VPS13B: variants seen among roughly 807,000 people sequenced by gnomAD.
VPS13B encodes intermembrane lipid transfer protein VPS13B.
In VPS13B, 285 loss-of-function variants were observed where a neutral mutation model predicts 426.4. That is an observed-to-expected ratio of 0.67 (90% confidence interval 0.61 to 0.74). The LOEUF is 0.74. Ranked by LOEUF, VPS13B falls within the 30% of genes least tolerant of loss-of-function variation. The pLI is 0.00. For synonymous variants in VPS13B, 1,676 were observed against 1,676.4 expected (o/e 1.00, Z 0.01); for missense variants, 4,537 against 4,782.6 (o/e 0.95, Z 1.51).
intron 17 of VPS13B, among the ~76,000 whole-genome samples, chr8:99,222,297 T>C (rs980822002): frequency 2.0e-5 from 3 of 152,216 alleles, no homozygotes; most frequent in Admixed American, 1.3e-4. Context: ...TCCTTCCCAG[T>C]TCACCCCCAA....
chr8:99,230,572 A>G (rs893637792), intron 17 of VPS13B, among the ~76,000 whole-genome samples: 1 of 152,268 alleles, frequency 6.6e-6, no homozygotes, highest in African/African-American at 2.4e-5. Context: ...TCTCAGTACC[A>G]AAGTTTGAAC....
chr8:99,350,882 G>A (rs1811844349), intron 19 of VPS13B, among the ~76,000 whole-genome samples: 1 of 151,624 alleles, frequency 6.6e-6, no homozygotes, highest in African/African-American at 2.4e-5. Flanking sequence ...TATGTAGTAT[G>A]AATCAGGAGA....
At chr8:99,312,634 A>G (rs1366733689) in intron 19 of VPS13B, among the ~76,000 whole-genome samples, 1 of 152,060 alleles carries the variant, frequency 6.6e-6, no homozygotes, top group African/African-American at 2.4e-5. Flanking sequence ...GGTGAATCTG[A>G]CAATTATGTG....
At chr8:99,291,409 C>T (rs1819726452) in intron 19 of VPS13B, among the ~76,000 whole-genome samples, 1 of 152,124 alleles carries the variant, frequency 6.6e-6, no homozygotes, top group Non-Finnish European at 1.5e-5. Flanking sequence ...GAATAAAGAA[C>T]TCATATTCTT....
intron 40 of VPS13B, 120 bp from the exon 41 acceptor site, chr8:99,776,655 A>G: frequency 1.1e-6 from 1 of 947,248 alleles, no homozygotes; most frequent in Non-Finnish European, 1.6e-6. Context: ...AAGATTTGAT[A>G]AAATATTGAC....
chr8:99,558,691 A>G (rs1008479276), intron 31 of VPS13B, among the ~76,000 whole-genome samples: 1 of 152,144 alleles, frequency 6.6e-6, no homozygotes, highest in Non-Finnish European at 1.5e-5. Flanking sequence ...TAGTTTGCTC[A>G]CAATGATGGT....
intron 25 of VPS13B, among the ~76,000 whole-genome samples, chr8:99,495,906 G>A (rs1252571090): frequency 1.3e-5 from 2 of 152,180 alleles, no homozygotes; most frequent in East Asian, 1.9e-4. Context: ...CTGGTGAGTA[G>A]TGCATGGCTA....
At chr8:99,429,405 C>G (rs746429118) in intron 21 of VPS13B, among the ~76,000 whole-genome samples, 2 of 149,986 alleles carry the variant, frequency 1.3e-5, no homozygotes, top group Non-Finnish European at 3.0e-5. Context: ...AGTTACTAGC[C>G]AAATAACTTT....
chr8:99,467,438 G>T lies in VPS13B; in HGVS notation c.3470G>T (p.Ser1157Ile), dbSNP rs748600714. The T allele has an allele frequency of 6.2e-7, 1 of 1,613,614 alleles. No individual in the cohort carries two copies. The highest frequency in any genetic ancestry group is 8.5e-7 in the Non-Finnish European group (1 of 1,179,716). ...GGTGATGCTTTTCCTTGGACGATCA[G>T]CTTGCATAATTTCAGCATATATACC... The part of the protein sequence containing the change: ...EEGDAFPWTI[S>I]LHNFSIYTLL... Residue 1157 changes from serine to isoleucine, a missense_variant, in exon 24 of 62, where the codon AGC (serine) becomes ATC (isoleucine). Ser to Ile is a moderately radical substitution (Grantham distance 142, BLOSUM62 -2). Transcript: ENST00000357162.
intron 21 of VPS13B, among the ~76,000 whole-genome samples, chr8:99,425,784 A>C (rs1816665695): frequency 6.6e-6 from 1 of 152,192 alleles, no homozygotes; most frequent in South Asian, 2.1e-4. Flanking sequence ...AGATGACATG[A>C]TTGGATATCT....
chr8:99,744,813 C>A (rs892337389), intron 39 of VPS13B, among the ~76,000 whole-genome samples: 4 of 150,986 alleles, frequency 2.6e-5, no homozygotes, highest in Admixed American at 6.6e-5. Context: ...CACACCGGGG[C>A]CTGTTGTGGG....
chr8:99,084,100 G>A (rs1165517300), intron 3 of VPS13B, among the ~76,000 whole-genome samples: 2 of 152,004 alleles, frequency 1.3e-5, no homozygotes, highest in Admixed American at 6.6e-5. Flanking sequence ...ACTTTTTTTG[G>A]TTGGTAAGCT....
chr8:99,128,323 G>A (rs1019820738), intron 8 of VPS13B, among the ~76,000 whole-genome samples: 5 of 145,820 alleles, frequency 3.4e-5, no homozygotes, highest in African/African-American at 1.0e-4. Context: ...GGAGGTGGAG[G>A]TTGCAGTGAG....
In VPS13B at chr8:99,521,024, C is replaced by G. The variant is rs746378434; in HGVS notation, c.4745+14C>G. 6.2e-7 allele frequency: 1 copy of G among 1,604,260 alleles called. No individual in the cohort carries two copies. The highest frequency in any genetic ancestry group is 8.5e-7 in the Non-Finnish European group (1 of 1,171,352). ...AGATATTTACCAGTAAGTTTATTTT[C>G]TTATGTCCAATCTTGCAACAATTTT... On this transcript the variant is annotated intron_variant, in intron 30 of 61. Transcript: ENST00000357162.
chr8:99,603,097 G>A (rs16897493), intron 33 of VPS13B, among the ~76,000 whole-genome samples: 20,799 of 152,148 alleles, frequency 0.14, 1,971 homozygotes, highest in East Asian at 0.39. Context: ...AGAGAGATTG[G>A]AATTTATTGG....
intron 5 of VPS13B, among the ~76,000 whole-genome samples, chr8:99,110,308 C>T (rs1731839720): frequency 6.6e-6 from 1 of 152,024 alleles, no homozygotes; most frequent in Non-Finnish European, 1.5e-5. Context: ...CTGATATTTA[C>T]CTAGGAATTG....
At chr8:99,768,593 A>G (rs1194165410) in intron 40 of VPS13B, among the ~76,000 whole-genome samples, 1 of 152,134 alleles carries the variant, frequency 6.6e-6, no homozygotes, top group Non-Finnish European at 1.5e-5. Context: ...AGTCTTTTTC[A>G]TTGATTATTT....
At chr8:99,138,472 C>T (rs914337217) in intron 12 of VPS13B, among the ~76,000 whole-genome samples, 1 of 152,144 alleles carries the variant, frequency 6.6e-6, no homozygotes, top group Non-Finnish European at 1.5e-5. Context: ...CATTGTAGTC[C>T]TATAGTTTCT....
At chr8:99,216,795 T>C (rs1008864645) in intron 17 of VPS13B, among the ~76,000 whole-genome samples, 2 of 152,082 alleles carry the variant, frequency 1.3e-5, no homozygotes, top group African/African-American at 4.8e-5. Context: ...AAATTGTTTT[T>C]GGATATATTG....
Sources: gnomAD v4.1 joint callset for allele counts (sites outside exome capture counted in the v4.1 genomes callset) on GRCh38, gnomAD v4.1.1 for gene constraint, MANE v1.5 for transcripts, NCBI Gene and HGNC (gene_info 2026-07-23, HGNC 2026-07-21) for gene names.